CCDC186: variants seen among roughly 807,000 people sequenced by gnomAD.
CCDC186 encodes coiled-coil domain-containing protein 186.
Under a neutral mutation model 113.7 loss-of-function variants are expected in CCDC186, and 49 were observed. The ratio of observed to expected loss-of-function variants is 0.43; its 90% CI spans 0.34 to 0.55. CCDC186 has a LOEUF of 0.55. Among genes scored for constraint, CCDC186 ranks in the 20% least tolerant of loss-of-function variants. The pLI is 0.02. For missense variants in CCDC186, 890 were observed against 1,011.1 expected (o/e 0.88, Z 1.62); for synonymous variants, 355 against 345.8 (o/e 1.03, Z -0.30).
intron 4 of CCDC186, among the ~76,000 whole-genome samples, chr10:114,148,255 T>C (rs1356403327): frequency 1.3e-5 from 2 of 152,190 alleles, no homozygotes; most frequent in Non-Finnish European, 1.5e-5. Context: ...GGGGTGCTTG[T>C]TAAAAGTTCA....
At chr10:114,126,877 G>A (rs554127796) in intron 14 of CCDC186, among the ~76,000 whole-genome samples, 29 of 152,232 alleles carry the variant, frequency 1.9e-4, no homozygotes, top group African/African-American at 5.3e-4. Context: ...GGAATTTGGC[G>A]CAGCACTCCT....
Position 114,162,719 on chromosome 10 carries a change from TTCCATTTGGTACTCGATGTTCTGCAAAC to T in CCDC186, c.522_549del (p.Phe175Ter). 1 of 1,613,818 alleles carries T rather than the reference TTCCATTTGGTACTCGATGTTCTGCAAAC, an allele frequency of 6.2e-7. No homozygotes were observed. The highest frequency in any genetic ancestry group is 8.5e-7 in the Non-Finnish European group (1 of 1,179,874). On this transcript the variant is annotated frameshift_variant, in exon 2 of 16. Coordinates refer to ENST00000369287, the MANE Select transcript of CCDC186 (RefSeq NM_018017.4). LOFTEE classifies it high-confidence loss of function. Reference sequence around the variant, plus strand: ...ACTAATGCATGTTCTCCCTTATTCATTCCATTTGGTACTCGATGTTCTGCAAACTCCGTAGATAAGAGCTCAGATTCTA... The same window carrying T: ...ACTAATGCATGTTCTCCCTTATTCATTCCGTAGATAAGAGCTCAGATTCTA...
chr10:114,172,987 C>G (rs965505337), intron 1 of CCDC186, among the ~76,000 whole-genome samples: 2 of 152,100 alleles, frequency 1.3e-5, no homozygotes, highest in Admixed American at 6.5e-5. Context: ...TAGATAATAG[C>G]AGATTAATTT....
At chr10:114,152,663 T>C (rs982583868) in intron 3 of CCDC186, among the ~76,000 whole-genome samples, 1 of 152,160 alleles carries the variant, frequency 6.6e-6, no homozygotes, top group Non-Finnish European at 1.5e-5. Context: ...TAATATTAAA[T>C]GAAAGTGGAT....
At position 114,145,761 on chromosome 10, in the gene CCDC186, C is replaced by G; in HGVS notation, c.889G>C (p.Ala297Pro). 1 of 1,569,692 alleles carries G rather than the reference C, an allele frequency of 6.4e-7. No homozygotes were observed. The highest frequency in any genetic ancestry group is 8.6e-7 in the Non-Finnish European group (1 of 1,167,052). ...CGTGCCTCTTCACATTTCTTGTTGG[C>G]CTTCAAAAAAAATATTACTTAGCAT... ...HKEMAQRMEQ[A>P]NKKCEEARQE... The change falls in exon 5 of 16, where the codon GCC becomes CCC. Residue 297 changes from alanine to proline, a missense_variant and splice_region_variant. By Grantham distance (27) the Ala-to-Pro change is conservative. Transcript: ENST00000369287.
chr10:114,147,121 C>T (rs1387957675), intron 4 of CCDC186, among the ~76,000 whole-genome samples: 1 of 152,134 alleles, frequency 6.6e-6, no homozygotes, highest in Non-Finnish European at 1.5e-5. Flanking sequence ...GATTTTTAGA[C>T]AACTGAATAT....
At chr10:114,166,170 A>G (rs2032331438) in intron 1 of CCDC186, among the ~76,000 whole-genome samples, 1 of 152,186 alleles carries the variant, frequency 6.6e-6, no homozygotes, top group African/African-American at 2.4e-5. Flanking sequence ...GTTTATACCC[A>G]GATTTAAGAT....
chr10:114,125,160 T>C lies in CCDC186; in HGVS notation c.2680A>G (p.Arg894Gly), dbSNP rs772205516. The change falls in exon 16 of 16, where the codon AGG (arginine) becomes GGG (glycine). Residue 894 changes from arginine (R) to glycine (G), a missense_variant. Arg to Gly is a moderately radical substitution (Grantham distance 125, BLOSUM62 -2). Coordinates refer to ENST00000369287, the MANE Select transcript of CCDC186 (RefSeq NM_018017.4). ...LIKHQHELEQ[R>G]TKKT ...GGCTTGTTTTAGGTTTTCTTTGTCC[T>C]CTGTTCTAGTTCATGCTGGTGTTTA... is the stretch of plus-strand genomic sequence containing the variant. The C allele has an allele frequency of 8.9e-5, 143 of 1,607,622 alleles. No homozygotes were observed. Among genetic ancestry groups the C allele is most frequent in the Non-Finnish European group, 1.1e-4 (135 of 1,177,160 alleles).
intron 14 of CCDC186, among the ~76,000 whole-genome samples, chr10:114,126,919 C>T (rs2030922810): frequency 6.6e-6 from 1 of 152,182 alleles, no homozygotes; most frequent in Non-Finnish European, 1.5e-5. Context: ...GGATCTCCAG[C>T]TCTAGGTCTG....
chr10:114,140,924 C>G (rs2031447661), intron 6 of CCDC186, among the ~76,000 whole-genome samples: 1 of 151,290 alleles, frequency 6.6e-6, no homozygotes, highest in African/African-American at 2.4e-5. Context: ...AGACACAGGA[C>G]AGGATCTTGC....
At chr10:114,133,188 G>C (rs1035993869) in intron 10 of CCDC186, among the ~76,000 whole-genome samples, 1 of 152,180 alleles carries the variant, frequency 6.6e-6, no homozygotes, top group African/African-American at 2.4e-5. Flanking sequence ...CTTGGACTAT[G>C]GTAGTAGCAG....
chr10:114,144,667 T>G, intron 5 of CCDC186, 51 bp from the exon 6 acceptor site: 1 of 1,448,720 alleles, frequency 6.9e-7, no homozygotes, highest in Non-Finnish European at 9.4e-7. Context: ...ATCAATTAAT[T>G]ATATCTTTTA....
chr10:114,144,499 T>C lies in CCDC186; in HGVS notation c.1219A>G (p.Lys407Glu), dbSNP rs1387667001. The C allele has an allele frequency of 1.9e-6, 3 of 1,612,948 alleles. No individual in the cohort carries two copies. The highest frequency in any genetic ancestry group is 2.5e-6 in the Non-Finnish European group (3 of 1,179,388). Residue 407 changes from lysine (K) to glutamate (E), a missense_variant and splice_region_variant, in exon 6 of 16, where the codon AAG becomes GAG. Transcript: ENST00000369287. ...TTCCATTGTATTACAGTACGTACCT[T>C]GTGTGAATCCATTTCAGCTTTTAAT... is the stretch of plus-strand genomic sequence containing the variant. ...NKLKAEMDSHKETKDKLKETT... is the reference protein window; with the variant it reads ...NKLKAEMDSHEETKDKLKETT...
At chr10:114,145,371 CAAGT>C (rs1198355938) in intron 5 of CCDC186, among the ~76,000 whole-genome samples, 174 bp downstream of exon 5, 2 of 151,970 alleles carry the variant, frequency 1.3e-5, no homozygotes, top group Non-Finnish European at 2.9e-5. Flanking sequence ...TCTCTGCAGA[CAAGT>C]AATAGAACAC....
chr10:114,150,948 G>T (rs1347462782), intron 4 of CCDC186, 144 bp downstream of exon 4: 7 of 929,966 alleles, frequency 7.5e-6, no homozygotes, highest in Non-Finnish European at 1.1e-5. Flanking sequence ...ACCACGTCTG[G>T]CCTAATGGCT....
At chr10:114,139,933 T>G (rs71484923) in intron 6 of CCDC186, among the ~76,000 whole-genome samples, 22,497 of 152,168 alleles carry the variant, frequency 0.15, 1,861 homozygotes, top group Middle Eastern at 0.23. Flanking sequence ...AAATAAATAT[T>G]TATTAAATAA....
rs1212545826 is a variant in CCDC186 at position 114,131,241 on chromosome 10, C to T, written c.2007G>A (p.Leu669=). The change falls in exon 12 of 16, where the codon TTG becomes TTA. Residue 669 remains leucine, a synonymous_variant. Transcript: ENST00000369287. ...LACRQTEVKA[L]STQVEELKDE... is the part of the protein sequence containing the mutation. ...CTTTTAATTCTTCTACCTGGGTACT[C>T]AATGCTTTAACTTCTGTTTGTCTAC... The T allele has an allele frequency of 1.9e-6, 3 of 1,602,820 alleles. No homozygotes were observed. The highest frequency in any genetic ancestry group is 2.6e-6 in the Non-Finnish European group (3 of 1,175,322).
intron 1 of CCDC186, among the ~76,000 whole-genome samples, chr10:114,166,702 C>T (rs1235036597): frequency 1.3e-4 from 20 of 152,172 alleles, no homozygotes; most frequent in Non-Finnish European, 4.4e-5. Context: ...GTGGGGTCAA[C>T]TGGGTTTACA....
intron 1 of CCDC186, among the ~76,000 whole-genome samples, chr10:114,171,015 A>G (rs2032479376): frequency 6.6e-6 from 1 of 152,210 alleles, no homozygotes; most frequent in Non-Finnish European, 1.5e-5. Flanking sequence ...ATGTCATATC[A>G]GCTCGGTAAT....
Sources: allele counts gnomAD v4.1 joint callset (sites outside exome capture counted in the v4.1 genomes callset), GRCh38; gene constraint gnomAD v4.1.1; transcripts MANE v1.5; gene names NCBI Gene and HGNC (gene_info 2026-07-23, HGNC 2026-07-21).